PIK3C3: variants seen among roughly 807,000 people sequenced by gnomAD.
The protein encoded by PIK3C3 is PI3-kinase type 3.
PIK3C3 carries 95 observed loss-of-function variants against 126.1 expected under a neutral mutation model. The ratio of observed to expected loss-of-function variants is 0.75; its 90% confidence interval spans 0.64 to 0.89. PIK3C3 has a LOEUF of 0.89. Ranked by LOEUF, PIK3C3 falls within the 40% of genes least tolerant of loss-of-function variation. The pLI is 0.00. For missense variants in PIK3C3, 829 were observed against 1,063.2 expected, an observed-to-expected ratio of 0.78 and a Z score of 3.06; for synonymous variants, 374 against 360.0, an observed-to-expected ratio of 1.04 and a Z score of -0.44.
intron 21 of PIK3C3, among the ~76,000 whole-genome samples, chr18:42,057,067 C>CA (rs35233659): frequency 7.4e-6 from 1 of 135,546 alleles, no homozygotes; most frequent in African/African-American, 2.7e-5. Context: ...AACCCCCCCC[C>CA]CCGTGTTGAC....
intron 11 of PIK3C3, among the ~76,000 whole-genome samples, chr18:42,014,281 T>C (rs1982971409): frequency 6.6e-6 from 1 of 152,020 alleles, no homozygotes; most frequent in Admixed American, 6.6e-5. Flanking sequence ...TCAAATAGTT[T>C]AATAAAAAGT....
chr18:42,055,760 A>C (rs966961564), intron 21 of PIK3C3, among the ~76,000 whole-genome samples: 3 of 152,056 alleles, frequency 2.0e-5, no homozygotes, highest in Non-Finnish European at 4.4e-5. Context: ...CAGAATGAAT[A>C]CAGTTTTGAT....
chr18:42,087,624 G>GGAGTC lies in PIK3C3; in HGVS notation c.*6487_*6488insGAGTC, dbSNP rs1186584970. The GGAGTC allele has an allele frequency of 6.6e-6, 1 of 152,272 alleles. No individual in the cohort carries two copies. Among genetic ancestry groups the GGAGTC allele is most frequent in the African/African-American group, 2.4e-5 (1 of 41,564 alleles). 9.4% of individuals were successfully genotyped at this position (152,272 alleles called of 1,614,324 possible). On this transcript the variant is annotated 3_prime_UTR_variant, in exon 25 of 25. Transcript: ENST00000262039. The stretch of plus-strand genomic sequence containing the variant: ...CATTAAAGAAAAAAGCCTTACCGAG[G>GGAGTC]ACTCCCATACCCTTGCTTTCTGCTT...
chr18:41,964,243 T>C (rs1431058085), intron 3 of PIK3C3, among the ~76,000 whole-genome samples: 4 of 152,306 alleles, frequency 2.6e-5, no homozygotes, highest in African/African-American at 9.6e-5. Context: ...TCCAGCTATT[T>C]TAAAATAGCA....
In PIK3C3 at chr18:42,086,541, T is replaced by C. The variant is rs1267376383; in HGVS notation, c.*5404T>C. The stretch of plus-strand genomic sequence containing the variant: ...ACCTTGCTGATAAAACAGTCTGTGG[T>C]AAAGAAGCCAGCCAAAACCCACCAA... On this transcript the variant is annotated 3_prime_UTR_variant, in exon 25 of 25. Transcript: ENST00000262039. 3 of 152,160 alleles carry C rather than the reference T, an allele frequency of 2.0e-5. No individual in the cohort carries two copies. Among genetic ancestry groups the C allele is most frequent in the Non-Finnish European group, 4.4e-5 (3 of 68,048 alleles). The allele number at this position is 152,160 out of a possible 1,614,324, so 9.4% of individuals were successfully genotyped here. A position where few individuals can be genotyped will look rare whatever the true frequency, so the allele number is the denominator to read the frequency against.
At chr18:42,054,374 C>G (rs982474093) in intron 21 of PIK3C3, among the ~76,000 whole-genome samples, 1 of 150,866 alleles carries the variant, frequency 6.6e-6, no homozygotes, top group Admixed American at 6.6e-5. Context: ...GGGCAAGTCT[C>G]TCTTTTCACA....
intron 21 of PIK3C3, chr18:42,052,893 G>A (rs898370758): frequency 2.6e-5 from 4 of 152,082 alleles, no homozygotes; most frequent in African/African-American, 9.7e-5. Context: ...AATGGCTGAT[G>A]GAGCATTTTT....
chr18:42,027,408 T>C, intron 13 of PIK3C3, 35 bp from the exon 14 acceptor site: 1 of 1,241,042 alleles, frequency 8.1e-7, no homozygotes, highest in Non-Finnish European at 1.2e-6. Context: ...TAAGTTTCAT[T>C]TCACATCACA....
At chr18:42,046,513 T>A (rs1984564282) in intron 20 of PIK3C3, among the ~76,000 whole-genome samples, 1 of 152,122 alleles carries the variant, frequency 6.6e-6, no homozygotes, top group African/African-American at 2.4e-5. Flanking sequence ...AAAGTTTTTT[T>A]ATAAAAACAA....
At chr18:41,961,518 A>G (rs778799238) in intron 2 of PIK3C3, among the ~76,000 whole-genome samples, 1 of 151,724 alleles carries the variant, frequency 6.6e-6, no homozygotes, top group African/African-American at 2.4e-5. Context: ...TATGGCGTAT[A>G]TAAATGATTT....
intron 24 of PIK3C3, among the ~76,000 whole-genome samples, chr18:42,068,078 T>C (rs552823709): frequency 1.3e-5 from 2 of 152,338 alleles, no homozygotes; most frequent in South Asian, 4.1e-4. Context: ...TTCTATGCCC[T>C]CACCTCTCCT....
At chr18:42,071,493 G>T (rs1335929261) in intron 24 of PIK3C3, among the ~76,000 whole-genome samples, 3 of 152,122 alleles carry the variant, frequency 2.0e-5, no homozygotes, top group South Asian at 2.1e-4. Flanking sequence ...GCCAAGGCAG[G>T]CGAATCACAT....
At chr18:42,079,931 T>A (rs1986177582) in intron 24 of PIK3C3, among the ~76,000 whole-genome samples, 1 of 151,036 alleles carries the variant, frequency 6.6e-6, no homozygotes, top group South Asian at 2.1e-4. Context: ...TTCCCTCTTA[T>A]TTCCCCAACT....
intron 24 of PIK3C3, among the ~76,000 whole-genome samples, chr18:42,072,457 G>C (rs1335905626): frequency 1.3e-5 from 2 of 152,122 alleles, no homozygotes; most frequent in Non-Finnish European, 2.9e-5. Context: ...CCACATATTA[G>C]TGATACAAAT....
At chr18:42,037,850 AT>A in intron 17 of PIK3C3, 30 bp downstream of exon 17, 4 of 1,581,570 alleles carry the variant, frequency 2.5e-6, no homozygotes, top group Non-Finnish European at 3.5e-6. Flanking sequence ...GGTGGGGAAC[AT>A]TTTTTTCGTT....
intron 24 of PIK3C3, among the ~76,000 whole-genome samples, chr18:42,069,332 G>A (rs568625523): frequency 2.6e-5 from 4 of 152,272 alleles, no homozygotes; most frequent in African/African-American, 9.6e-5. Flanking sequence ...TAGCAGAACA[G>A]AATATTTTAG....
rs563724959 is a variant in PIK3C3, at chr18:42,051,569, T to A, written c.2263+1964T>A. ...GAAAAATCATCTGTTAGAACTTGCA[T>A]GGGTGATGTCATGTCTGTGTCAAAG... On this transcript the variant is annotated intron_variant, in intron 21 of 24. Transcript: ENST00000262039. Among the ~76,000 whole-genome samples, 20 of 152,278 alleles carry A rather than the reference T, an allele frequency of 1.3e-4. 1 individual carries two copies. The South Asian group carries it at 3.5e-3, about 27-fold the overall frequency.
At chr18:42,004,250 C>G in intron 9 of PIK3C3, 106 bp from the exon 10 acceptor site, 1 of 768,154 alleles carries the variant, frequency 1.3e-6, no homozygotes, top group Non-Finnish European at 2.2e-6. Context: ...GAGTCTATCA[C>G]TGACTCCGTG....
At chr18:42,027,396 T>C in intron 13 of PIK3C3, 47 bp from the exon 14 acceptor site, 1 of 1,072,808 alleles carries the variant, frequency 9.3e-7, no homozygotes, top group Admixed American at 2.0e-5. Context: ...ACAAACTGAA[T>C]CTAAGTTTCA....
Sources: allele counts gnomAD v4.1 joint callset (sites outside exome capture counted in the v4.1 genomes callset), GRCh38; gene constraint gnomAD v4.1.1; transcripts MANE v1.5; gene names NCBI Gene and HGNC (gene_info 2026-07-23, HGNC 2026-07-21).